Variants in TGFA observed in about 807,000 individuals in gnomAD.
The protein encoded by TGFA is protransforming growth factor alpha.
Under a neutral mutation model 21.7 loss-of-function variants are expected in TGFA, and 12 were observed. The ratio of observed to expected loss-of-function variants is 0.55; its 90% CI spans 0.35 to 0.90. The LOEUF (loss-of-function observed/expected upper bound fraction) is 0.90. TGFA is among the 40% of genes least tolerant of loss of function. The probability of loss-of-function intolerance (pLI) is 0.01; values close to 1 mark genes in which losing one functional copy is unlikely to be tolerated. For missense variants in TGFA, 178 were observed against 210.8 expected (o/e 0.84, Z 0.96); for synonymous variants, 79 against 88.1 (o/e 0.90, Z 0.58).
Position 70,452,869 on chromosome 2 carries a change from G to A in TGFA, c.475+349C>T, listed in dbSNP as rs558857756. Among the ~76,000 whole-genome samples the A allele has an allele frequency of 4.6e-5, 7 of 152,238 alleles. No individual in the cohort carries two copies. The Middle Eastern group carries it at 0.017, about 370-fold the overall frequency. ...GAGGCAGGAGAATCACTTGAAACTG[G>A]GAGGTGGAGATTGCAGTGAGCCGAG... is the stretch of plus-strand genomic sequence containing the variant. On this transcript the variant is annotated intron_variant, in intron 5 of 5. Coordinates refer to ENST00000295400, the MANE Select transcript of TGFA (RefSeq NM_003236.4).
chr2:70,470,049 GAAGGA>G (rs1176339901), intron 2 of TGFA, among the ~76,000 whole-genome samples: 4 of 151,838 alleles, frequency 2.6e-5, no homozygotes, highest in African/African-American at 9.7e-5. Flanking sequence ...GAAACAGCGA[GAAGGA>G]GAGAGACGGG....
At chr2:70,532,359 C>T (rs3771480) in intron 1 of TGFA, among the ~76,000 whole-genome samples, 17 of 152,116 alleles carry the variant, frequency 1.1e-4, no homozygotes, top group African/African-American at 2.9e-4. Context: ...TTTATCTTCA[C>T]GGCCAAGCAG....
intron 2 of TGFA, among the ~76,000 whole-genome samples, chr2:70,512,974 T>C (rs1414753295): frequency 1.3e-5 from 2 of 152,130 alleles, no homozygotes; most frequent in East Asian, 3.9e-4. Context: ...AAACTAGGGA[T>C]AGAGGCCTGG....
At chr2:70,529,028 C>T (rs1180635176) in intron 1 of TGFA, among the ~76,000 whole-genome samples, 1 of 152,244 alleles carries the variant, frequency 6.6e-6, no homozygotes, top group Non-Finnish European at 1.5e-5. Flanking sequence ...GCAGCTCACT[C>T]CCATCCCTGG....
chr2:70,548,233 A>G (rs577845269), intron 1 of TGFA, among the ~76,000 whole-genome samples: 175 of 152,276 alleles, frequency 1.1e-3, no homozygotes, highest in African/African-American at 4.1e-3. Flanking sequence ...GGTCCCCACG[A>G]GGTCATCAAA....
chr2:70,500,215 G>T (rs1217114627), intron 2 of TGFA, among the ~76,000 whole-genome samples: 1 of 152,100 alleles, frequency 6.6e-6, no homozygotes, highest in Non-Finnish European at 1.5e-5. Context: ...AGGCTTCTCG[G>T]GATATCCTCT....
intron 1 of TGFA, among the ~76,000 whole-genome samples, chr2:70,535,223 G>C (rs1672936712): frequency 6.6e-6 from 1 of 151,824 alleles, no homozygotes. Context: ...TGCCCAAGGT[G>C]TCCACTGTGT....
rs186047673 is a variant in TGFA, at chr2:70,452,762, C to T, written c.475+456G>A. ...TTTGAGACCAGCCTGGCCAATACTG[C>T]GAAACCCCGTCTCTACTAAAAATAC... On this transcript the variant is annotated intron_variant, in intron 5 of 5. Transcript: ENST00000295400. Among the ~76,000 whole-genome samples, 21 of 152,076 alleles carry T rather than the reference C, an allele frequency of 1.4e-4. No homozygotes were observed. In the East Asian group the frequency reaches 2.7e-3, roughly 20 times the overall value.
chr2:70,455,665 T>A (rs1553490350), intron 4 of TGFA, among the ~76,000 whole-genome samples: 1 of 152,226 alleles, frequency 6.6e-6, no homozygotes, highest in Non-Finnish European at 1.5e-5. Context: ...AGGGAATAAA[T>A]CTGGCATAGT....
At position 70,450,618 on chromosome 2, in the gene TGFA, C is replaced by G. The variant is rs1670023672; in HGVS notation, c.*241G>C. 1.9e-6 allele frequency: 1 copy of G among 535,152 alleles called. No homozygotes were observed. The highest frequency in any genetic ancestry group is 3.4e-6 in the Non-Finnish European group (1 of 295,994). 33.2% of individuals were successfully genotyped at this position (535,152 alleles called of 1,614,324 possible). A position where few individuals can be genotyped will look rare whatever the true frequency, so the allele number is the denominator to read the frequency against. On this transcript the variant is annotated 3_prime_UTR_variant, in exon 6 of 6. Transcript: ENST00000295400. ...AACAGGAGTCCGTCTCTTTGCAGTTCTTTTTTAACAAGTCTTGAAATCGTG... is the reference window on the plus strand; with the variant it reads ...AACAGGAGTCCGTCTCTTTGCAGTTGTTTTTTAACAAGTCTTGAAATCGTG...
At chr2:70,465,079 G>T (rs1670511748) in intron 3 of TGFA, among the ~76,000 whole-genome samples, 1 of 152,214 alleles carries the variant, frequency 6.6e-6, no homozygotes, top group Admixed American at 6.5e-5. Flanking sequence ...ATGATGCTCA[G>T]CCAGGTGTGG....
intron 1 of TGFA, among the ~76,000 whole-genome samples, chr2:70,525,890 T>C (rs1347429530): frequency 6.6e-6 from 1 of 152,208 alleles, no homozygotes; most frequent in Non-Finnish European, 1.5e-5. Flanking sequence ...CCGCGGATGC[T>C]AAGTTTCTGA....
At chr2:70,518,017 G>C (rs1672337736) in intron 1 of TGFA, among the ~76,000 whole-genome samples, 1 of 152,230 alleles carries the variant, frequency 6.6e-6, no homozygotes, top group Non-Finnish European at 1.5e-5. Flanking sequence ...GCCTTGGCAG[G>C]CTCCAAGGGT....
chr2:70,516,665 G>A (rs564066365), intron 1 of TGFA, among the ~76,000 whole-genome samples: 1 of 152,174 alleles, frequency 6.6e-6, no homozygotes, highest in African/African-American at 2.4e-5. Flanking sequence ...CCACACACCA[G>A]TGTTAAAACA....
chr2:70,518,690 C>T (rs1672360570), intron 1 of TGFA, among the ~76,000 whole-genome samples: 2 of 152,182 alleles, frequency 1.3e-5, no homozygotes, highest in African/African-American at 2.4e-5. Context: ...GTGCCTTCAG[C>T]GTCAGACACC....
At chr2:70,475,669 G>C (rs952845434) in intron 2 of TGFA, among the ~76,000 whole-genome samples, 1 of 152,090 alleles carries the variant, frequency 6.6e-6, no homozygotes. Flanking sequence ...AGGGCTAAGA[G>C]TCCCAAGGCA....
intron 1 of TGFA, among the ~76,000 whole-genome samples, chr2:70,528,695 C>G (rs1314957667): frequency 6.6e-6 from 1 of 152,176 alleles, no homozygotes; most frequent in Non-Finnish European, 1.5e-5. Context: ...CGCTCTGGCT[C>G]TCAGCTGGGG....
intron 2 of TGFA, among the ~76,000 whole-genome samples, chr2:70,508,922 G>C (rs1006324601): frequency 1.1e-4 from 17 of 152,170 alleles, no homozygotes; most frequent in Admixed American, 3.9e-4. Context: ...ACTACCCTGA[G>C]CAGCTTTTGC....
intron 1 of TGFA, among the ~76,000 whole-genome samples, chr2:70,521,151 C>T (rs1672444579): frequency 6.6e-6 from 1 of 152,136 alleles, no homozygotes; most frequent in Non-Finnish European, 1.5e-5. Flanking sequence ...AATGAAATCA[C>T]TCCTATCCTC....
Sources: allele counts gnomAD v4.1 joint callset (sites outside exome capture counted in the v4.1 genomes callset), GRCh38; gene constraint gnomAD v4.1.1; transcripts MANE v1.5; gene names NCBI Gene and HGNC (gene_info 2026-07-23, HGNC 2026-07-21).